USP6NL: variants seen among roughly 807,000 people sequenced by gnomAD.
USP6NL encodes the protein USP6 N-terminal-like protein.
Under a neutral mutation model 61.9 loss-of-function variants are expected in USP6NL, and 26 were observed. That is an observed-to-expected ratio of 0.42 (90% CI 0.31 to 0.58). The LOEUF (loss-of-function observed/expected upper bound fraction) is 0.58. Among genes scored for constraint, USP6NL ranks in the 20% least tolerant of loss-of-function variants. The pLI, the probability that USP6NL is intolerant of heterozygous loss-of-function variation, is 0.16. For synonymous variants in USP6NL, 432 were observed against 390.1 expected, an observed-to-expected ratio of 1.11 and a Z score of -1.27; for missense variants, 1,114 against 1,034.3, an observed-to-expected ratio of 1.08 and a Z score of -1.06.
At chr10:11,483,598 GAGGGGGGA>G in intron 13 of USP6NL, among the ~76,000 whole-genome samples, 1 of 19,502 alleles carries the variant, frequency 5.1e-5, no homozygotes, top group Admixed American at 4.2e-4. Flanking sequence ...GAGAGAGGGG[GAGGGGGGA>G]GGGGGAGAGG....
intron 14 of USP6NL, among the ~76,000 whole-genome samples, chr10:11,472,083 T>C (rs1394707485): frequency 6.6e-6 from 1 of 152,212 alleles, no homozygotes; most frequent in Non-Finnish European, 1.5e-5. Flanking sequence ...ATATTTCTCA[T>C]TGGTGTTTGC....
At position 11,490,779 on chromosome 10, in the gene USP6NL, G is replaced by A; in HGVS notation, c.543+53C>T. The A allele has an allele frequency of 6.6e-7, 1 of 1,517,220 alleles. No homozygotes were observed. The highest frequency in any genetic ancestry group is 8.9e-7 in the Non-Finnish European group (1 of 1,124,228). The allele number at this position is 1,517,220 out of a possible 1,614,324, so 94.0% of individuals were successfully genotyped here. A position where few individuals can be genotyped will look rare whatever the true frequency, so the allele number is the denominator to read the frequency against. ...GTGCCCACAGGGCCCTGCTAAGTAG[G>A]GAGTACCTCAGAATACAACTCAAAG... On this transcript the variant is annotated intron_variant, in intron 9 of 14. Coordinates refer to ENST00000609104, the MANE Select transcript of USP6NL (RefSeq NM_014688.5). This position sits in a 1 kb window ranked among gnomAD's most constrained non-coding sequence, Gnocchi z 4.5.
rs999265692 is a variant in USP6NL at position 11,491,055 on chromosome 10, A to G, written c.495-175T>C. 1.3e-5 allele frequency among the ~76,000 whole-genome samples: 2 copies of G among 152,252 alleles called. No homozygotes were observed. Among genetic ancestry groups the G allele is most frequent in the African/African-American group, 4.8e-5 (2 of 41,476 alleles). On this transcript the variant is annotated intron_variant, in intron 8 of 14. Transcript: ENST00000609104. This position sits in a 1 kb window ranked among gnomAD's most constrained non-coding sequence, Gnocchi z 4.7. ...ACAACACTCTAAAAAGTCTAAATTC[A>G]AGACTAGATAATATTCATTCTGAAA...
intron 2 of USP6NL, among the ~76,000 whole-genome samples, chr10:11,551,996 A>C (rs956415605): frequency 1.3e-5 from 2 of 152,206 alleles, no homozygotes; most frequent in African/African-American, 4.8e-5. Context: ...TATTTCCACT[A>C]AAGTAAATAA....
In USP6NL at chr10:11,561,171, G is replaced by C. The variant is rs1836917855; in HGVS notation, c.5-33604C>G. On this transcript the variant is annotated intron_variant, in intron 2 of 14. Transcript: ENST00000609104. This position sits in a 1 kb window ranked among gnomAD's most constrained non-coding sequence, Gnocchi z 4.1. ...CATCCAGAATAGCTAAAATATGTTT[G>C]TGCTTTATACATCCAAAAAAAATAA... is the stretch of plus-strand genomic sequence containing the variant. 6.6e-6 allele frequency among the ~76,000 whole-genome samples: 1 copy of C among 152,054 alleles called. No individual in the cohort carries two copies. Among genetic ancestry groups the C allele is most frequent in the Non-Finnish European group, 1.5e-5 (1 of 67,986 alleles).
rs879467919 is a variant in USP6NL, at chr10:11,611,230, T to A, written c.-84+213A>T. ...GCCCATCGCCCCGCGGACCCCACGC[T>A]CCGGGCGCGGGGACACACAGGCAGC... On this transcript the variant is annotated intron_variant, in intron 1 of 14. Coordinates refer to ENST00000609104, the MANE Select transcript of USP6NL (RefSeq NM_014688.5). This position sits in a 1 kb window ranked among gnomAD's most constrained non-coding sequence, Gnocchi z 5.3. The A allele has an allele frequency of 6.6e-6, 1 of 150,540 alleles. No homozygotes were observed. The highest frequency in any genetic ancestry group is 1.5e-5 in the Non-Finnish European group (1 of 67,616). The allele number at this position is 150,540 out of a possible 1,614,324, so 9.3% of individuals were successfully genotyped here.
rs1376017550 is a variant in USP6NL, at chr10:11,487,773, G to A, written c.664+1329C>T. ...TAAGTAATTGGCAAGAAACACTAAGGGAGAAAGACAAATGCAAACACATAC... is the reference window on the plus strand; with the variant it reads ...TAAGTAATTGGCAAGAAACACTAAGAGAGAAAGACAAATGCAAACACATAC... On this transcript the variant is annotated intron_variant, in intron 10 of 14. Transcript: ENST00000609104. This position sits in a 1 kb window ranked among gnomAD's most constrained non-coding sequence, Gnocchi z 4.2. Among the ~76,000 whole-genome samples, 9 of 152,102 alleles carry A rather than the reference G, an allele frequency of 5.9e-5. No individual in the cohort carries two copies. The highest frequency in any genetic ancestry group is 3.4e-3 in the Middle Eastern group (1 of 294).
chr10:11,501,301 A>G lies in USP6NL; in HGVS notation c.277-93T>C. 4 of 992,858 alleles carry G rather than the reference A, an allele frequency of 4.0e-6. No individual in the cohort carries two copies. In the South Asian group the frequency reaches 6.9e-5, roughly 17 times the overall value. The allele number at this position is 992,858 out of a possible 1,614,324, so 61.5% of individuals were successfully genotyped here. On this transcript the variant is annotated intron_variant, in intron 6 of 14. Transcript: ENST00000609104. ...TCTTGCTAATATTTGTTAGCATTGTATTTTCAAAGCATCTATGGCAATTAA... is the reference window on the plus strand; with the variant it reads ...TCTTGCTAATATTTGTTAGCATTGTGTTTTCAAAGCATCTATGGCAATTAA...
At chr10:11,560,418 T>C (rs1324177554) in intron 2 of USP6NL, among the ~76,000 whole-genome samples, 1 of 152,132 alleles carries the variant, frequency 6.6e-6, no homozygotes, top group Non-Finnish European at 1.5e-5. Context: ...TCAGGGTTAA[T>C]GATCAACTTG....
chr10:11,462,371 G>T lies in USP6NL; in HGVS notation c.*70C>A. ...TTACAATAGTATAAATACTGCTTTG[G>T]CAATTATGAACATAGCAATGTAGGT... is the stretch of plus-strand genomic sequence containing the variant. On this transcript the variant is annotated 3_prime_UTR_variant, in exon 15 of 15. Coordinates refer to ENST00000609104, the MANE Select transcript of USP6NL (RefSeq NM_014688.5). 6.6e-7 allele frequency: 1 copy of T among 1,503,998 alleles called. No individual in the cohort carries two copies. The highest frequency in any genetic ancestry group is 8.9e-7 in the Non-Finnish European group (1 of 1,118,772). The allele number at this position is 1,503,998 out of a possible 1,614,324, so 93.2% of individuals were successfully genotyped here.
intron 1 of USP6NL, among the ~76,000 whole-genome samples, chr10:11,601,579 T>C (rs1027505339): frequency 6.6e-6 from 1 of 152,198 alleles, no homozygotes; most frequent in Non-Finnish European, 1.5e-5. Flanking sequence ...CCAAAACTTT[T>C]CCAATGAAAT....
In USP6NL at chr10:11,561,529, A is replaced by C. The variant is rs1053582155; in HGVS notation, c.5-33962T>G. The stretch of plus-strand genomic sequence containing the variant: ...TTCTACTCAAATATATTTCATAGAC[A>C]TTTTTCCAGGTCTGTTCAGATAAAT... On this transcript the variant is annotated intron_variant, in intron 2 of 14. Coordinates refer to ENST00000609104, the MANE Select transcript of USP6NL (RefSeq NM_014688.5). The surrounding 1 kb of genome is among the most constrained non-coding windows in gnomAD (Gnocchi z 4.1). 6.6e-6 allele frequency among the ~76,000 whole-genome samples: 1 copy of C among 152,166 alleles called. No individual in the cohort carries two copies. Among genetic ancestry groups the C allele is most frequent in the Non-Finnish European group, 1.5e-5 (1 of 68,030 alleles).
rs1446056041 is a variant in USP6NL, at chr10:11,495,661, C to T, written c.385-2433G>A. Among the ~76,000 whole-genome samples the T allele has an allele frequency of 6.6e-6, 1 of 152,046 alleles. No homozygotes were observed. Among genetic ancestry groups the T allele is most frequent in the Non-Finnish European group, 1.5e-5 (1 of 68,004 alleles). ...TGTTTTTGAGTGTTCCTTTTTATAG[C>T]ATTCTATACTTGTTTTATGGATGCA... On this transcript the variant is annotated intron_variant, in intron 7 of 14. Coordinates refer to ENST00000609104, the MANE Select transcript of USP6NL (RefSeq NM_014688.5). This position sits in a 1 kb window ranked among gnomAD's most constrained non-coding sequence, Gnocchi z 4.6.
At chr10:11,559,534 T>C (rs956768278) in intron 2 of USP6NL, among the ~76,000 whole-genome samples, 2 of 152,102 alleles carry the variant, frequency 1.3e-5, no homozygotes, top group East Asian at 3.8e-4. Flanking sequence ...TTTCGACCTT[T>C]ATTATTGAAA....
Position 11,489,860 on chromosome 10 carries a change from TG to T in USP6NL, c.544-639del, listed in dbSNP as rs1395619076. 4.6e-5 allele frequency among the ~76,000 whole-genome samples: 7 copies of T among 152,184 alleles called. No homozygotes were observed. Among genetic ancestry groups the T allele is most frequent in the African/African-American group, 1.7e-4 (7 of 41,446 alleles). On this transcript the variant is annotated intron_variant, in intron 9 of 14. Transcript: ENST00000609104. The surrounding 1 kb of genome is among the most constrained non-coding windows in gnomAD (Gnocchi z 5.7). ...AACAAAGCCAGAGACTGTAATCAGA[TG>T]GGGGTACGTACTGGAACAGAATGCT...
intron 2 of USP6NL, among the ~76,000 whole-genome samples, chr10:11,558,097 T>C (rs796434653): frequency 2.0e-5 from 3 of 152,252 alleles, no homozygotes; most frequent in African/African-American, 7.2e-5. Flanking sequence ...GATGCACAGG[T>C]ACAAAGTAGC....
At chr10:11,576,252 A>G (rs1447240948) in intron 2 of USP6NL, among the ~76,000 whole-genome samples, 1 of 152,150 alleles carries the variant, frequency 6.6e-6, no homozygotes, top group East Asian at 1.9e-4. Flanking sequence ...TTAGATCCTG[A>G]CTCACTCTCT....
chr10:11,551,567 A>C (rs553813180), intron 2 of USP6NL, among the ~76,000 whole-genome samples: 20 of 152,246 alleles, frequency 1.3e-4, no homozygotes, highest in Non-Finnish European at 1.9e-4. Flanking sequence ...AACCATAGTG[A>C]TAAAGATACC....
At chr10:11,557,535 T>C (rs1021692864) in intron 2 of USP6NL, among the ~76,000 whole-genome samples, 1 of 152,222 alleles carries the variant, frequency 6.6e-6, no homozygotes, top group Admixed American at 6.5e-5. Flanking sequence ...AATTGGATTA[T>C]CTCTAGCGTT....
Sources: allele counts gnomAD v4.1 joint callset (sites outside exome capture counted in the v4.1 genomes callset), GRCh38; gene constraint gnomAD v4.1.1; non-coding constraint Gnocchi (gnomAD v3.1); transcripts MANE v1.5; gene names NCBI Gene and HGNC (gene_info 2026-07-23, HGNC 2026-07-21).